The following MACROD2 variants were observed in gnomAD, a reference collection of about 807,000 sequenced individuals.
The protein encoded by MACROD2 is mono-ADP ribosylhydrolase 2.
Under a neutral mutation model 70.4 loss-of-function variants are expected in MACROD2, and 36 were observed. The observed-to-expected ratio is 0.51, with a 90% CI of 0.39 to 0.68. The LOEUF is 0.68. Ranked by LOEUF, MACROD2 falls within the 30% of genes least tolerant of loss-of-function variation. MACROD2 has a pLI of 0.00. For missense variants in MACROD2, 496 were observed against 538.4 expected (o/e 0.92, Z 0.78); for synonymous variants, 172 against 178.8 (o/e 0.96, Z 0.30).
At chr20:14,490,868 A>G (rs2084785833) in intron 3 of MACROD2, among the ~76,000 whole-genome samples, 1 of 152,162 alleles carries the variant, frequency 6.6e-6, no homozygotes, top group Non-Finnish European at 1.5e-5. Context: ...ACTTCAGTAA[A>G]CAAATCCCTC....
chr20:15,968,836 T>C lies in MACROD2; in HGVS notation c.985+1206T>C, dbSNP rs201322851. Among the ~76,000 whole-genome samples the C allele has an allele frequency of 0.025, 2,525 of 101,118 alleles. 201 individuals are homozygous for C. In the East Asian group the frequency reaches 0.29, roughly 12 times the overall value. The allele number at this position is 101,118 out of a possible 152,430, so 66.3% of individuals were successfully genotyped here. A position where few individuals can be genotyped will look rare whatever the true frequency, so the allele number is the denominator to read the frequency against. On this transcript the variant is annotated intron_variant, in intron 13 of 17. Transcript: ENST00000684519. ...ATATATATATATATATATATATATA[T>C]ATACACACATATACATATGGAGAGA... is the stretch of plus-strand genomic sequence containing the variant.
intron 6 of MACROD2, among the ~76,000 whole-genome samples, chr20:15,311,498 G>T (rs543344388): frequency 6.6e-6 from 1 of 152,222 alleles, no homozygotes; most frequent in African/African-American, 2.4e-5. Flanking sequence ...GTTCATAACA[G>T]CACTATTCAC....
chr20:14,353,211 C>G (rs73901236), intron 3 of MACROD2, among the ~76,000 whole-genome samples: 4,425 of 152,026 alleles, frequency 0.029, 218 homozygotes, highest in African/African-American at 0.099. Context: ...AGTGGGTTAC[C>G]TTGGTCTCAT....
chr20:15,502,130 TAAAG>T (rs1225718723), intron 8 of MACROD2, among the ~76,000 whole-genome samples: 2 of 151,930 alleles, frequency 1.3e-5, no homozygotes, highest in African/African-American at 4.8e-5. Context: ...AAATAAAAAA[TAAAG>T]AAATAGGGAA....
In MACROD2 at chr20:16,044,584, T is replaced by C; in HGVS notation, c.1245T>C (p.Ser415=). Residue 415 remains serine (S), a synonymous_variant, in exon 17 of 18, where the codon AGT becomes AGC. Coordinates refer to ENST00000684519, the MANE Select transcript of MACROD2 (RefSeq NM_001351661.2). ...NTPGPDVEMN[S]QVDKVNDPTE... Reference sequence around the variant, plus strand: ...TTCTGGTGACAGTTGAAATGAATAGTCAGGTTGACAAGGTAAATGACCCAA... The same window carrying C: ...TTCTGGTGACAGTTGAAATGAATAGCCAGGTTGACAAGGTAAATGACCCAA... 6.2e-7 allele frequency: 1 copy of C among 1,612,308 alleles called. No homozygotes were observed. Among genetic ancestry groups the C allele is most frequent in the Non-Finnish European group, 8.5e-7 (1 of 1,179,130 alleles).
chr20:14,452,056 A>T (rs758609146), intron 3 of MACROD2, among the ~76,000 whole-genome samples: 2 of 152,022 alleles, frequency 1.3e-5, no homozygotes, highest in Non-Finnish European at 2.9e-5. Context: ...TTGGGAGAGG[A>T]TTTTGAACCC....
chr20:15,035,213 G>C (rs956124543), intron 5 of MACROD2, among the ~76,000 whole-genome samples: 1 of 152,094 alleles, frequency 6.6e-6, no homozygotes, highest in African/African-American at 2.4e-5. Flanking sequence ...GGGCAACATA[G>C]TGAGTCCCCA....
At chr20:15,780,175 G>T (rs561060328) in intron 8 of MACROD2, among the ~76,000 whole-genome samples, 1 of 152,002 alleles carries the variant, frequency 6.6e-6, no homozygotes, top group Non-Finnish European at 1.5e-5. Flanking sequence ...GCCCACTTCT[G>T]CCTTCTAATA....
chr20:15,760,400 G>A (rs2051418522), intron 8 of MACROD2, among the ~76,000 whole-genome samples: 1 of 152,196 alleles, frequency 6.6e-6, no homozygotes, highest in African/African-American at 2.4e-5. Flanking sequence ...TGCAGCTTCG[G>A]CAGACAGCTG....
intron 5 of MACROD2, among the ~76,000 whole-genome samples, chr20:14,738,010 C>T (rs1160283257): frequency 6.6e-6 from 1 of 151,808 alleles, no homozygotes; most frequent in Non-Finnish European, 1.5e-5. Context: ...TTTGTGTTTA[C>T]CTCTGATAAT....
intron 8 of MACROD2, among the ~76,000 whole-genome samples, chr20:15,504,736 T>C (rs528122658): frequency 3.9e-5 from 6 of 152,238 alleles, no homozygotes; most frequent in South Asian, 2.1e-4. Flanking sequence ...GCAGTAAAAA[T>C]TGACAGCAGG....
At chr20:15,774,062 C>T (rs866075755) in intron 8 of MACROD2, among the ~76,000 whole-genome samples, 4 of 152,190 alleles carry the variant, frequency 2.6e-5, no homozygotes, top group South Asian at 2.1e-4. Context: ...TTTCTCTCTT[C>T]CTGTGTTTCT....
chr20:14,399,754 T>TA (rs1386886845), intron 3 of MACROD2, among the ~76,000 whole-genome samples: 5 of 152,154 alleles, frequency 3.3e-5, no homozygotes, highest in Admixed American at 6.5e-5. Context: ...TCTGATCATT[T>TA]AAAAAAATTC....
intron 3 of MACROD2, among the ~76,000 whole-genome samples, chr20:14,169,312 G>A (rs1040313625): frequency 6.6e-6 from 1 of 151,664 alleles, no homozygotes; most frequent in Admixed American, 6.6e-5. Context: ...TTTTTTTTGG[G>A]GGGGGGCGGT....
rs747672765 is a variant in MACROD2, at chr20:14,993,521, CATCT to C, written c.419-236417_419-236414del. On this transcript the variant is annotated intron_variant, in intron 5 of 17. Transcript: ENST00000684519. ...TGCCTCACAAAAATATTTTGTCATC[CATCT>C]AAGTTAGAGATAAAACAATTATAAA... Among the ~76,000 whole-genome samples, 181 of 152,202 alleles carry C rather than the reference CATCT, an allele frequency of 1.2e-3. 5 individuals carry two copies. Among genetic ancestry groups the C allele is most frequent in the Non-Finnish European group, 1.6e-3 (109 of 67,996 alleles).
At position 14,272,921 on chromosome 20, in the gene MACROD2, A is replaced by C. The variant is rs1010609916; in HGVS notation, c.271+187193A>C. ...AAGGCCATTACATAATGGTAAAGGG[A>C]TCAATTCAACAAGAAGAGCTAACTA... is the stretch of plus-strand genomic sequence containing the variant. On this transcript the variant is annotated intron_variant, in intron 3 of 17. Coordinates refer to ENST00000684519, the MANE Select transcript of MACROD2 (RefSeq NM_001351661.2). 5.3e-5 allele frequency among the ~76,000 whole-genome samples: 8 copies of C among 152,084 alleles called. No homozygotes were observed. The South Asian group carries it at 6.2e-4, about 12-fold the overall frequency.
chr20:15,017,931 G>A (rs2075134173), intron 5 of MACROD2, among the ~76,000 whole-genome samples: 1 of 152,204 alleles, frequency 6.6e-6, no homozygotes, highest in African/African-American at 2.4e-5. Flanking sequence ...TGGCCTCTGG[G>A]CCTGTGATGG....
At chr20:14,981,021 AGTGTGTGTGTGTGTGT>A (rs11468972) in intron 5 of MACROD2, among the ~76,000 whole-genome samples, 1 of 143,660 alleles carries the variant, frequency 7.0e-6, no homozygotes, top group Non-Finnish European at 1.5e-5. Flanking sequence ...TACAAAAAGA[AGTGTGTGTGTGTGTGT>A]GTGTGTGTGT....
At chr20:14,376,170 C>A (rs1242590319) in intron 3 of MACROD2, among the ~76,000 whole-genome samples, 2 of 152,052 alleles carry the variant, frequency 1.3e-5, no homozygotes, top group African/African-American at 4.8e-5. Flanking sequence ...ATTTATTTAT[C>A]AAAAATATAT....
Sources: gnomAD v4.1 joint callset for allele counts (sites outside exome capture counted in the v4.1 genomes callset) on GRCh38, gnomAD v4.1.1 for gene constraint, MANE v1.5 for transcripts, NCBI Gene and HGNC (gene_info 2026-07-23, HGNC 2026-07-21) for gene names.